The following GALNT1 variants were observed in gnomAD, a reference collection of about 807,000 sequenced individuals.
GALNT1 encodes polypeptide N-acetylgalactosaminyltransferase 1.
A neutral mutation model predicts 65.7 loss-of-function variants in GALNT1; 17 were observed. That is an observed-to-expected ratio of 0.26 (90% CI 0.18 to 0.39). GALNT1 has a LOEUF of 0.39. GALNT1 is among the 10% of genes least tolerant of loss of function. GALNT1 has a pLI of 1.00. For synonymous variants in GALNT1, 210 were observed against 219.7 expected, an observed-to-expected ratio of 0.96 and a Z score of 0.39; for missense variants, 460 against 672.8, an observed-to-expected ratio of 0.68 and a Z score of 3.50.
At chr18:35,633,893 A>G (rs1056543092) in intron 1 of GALNT1, among the ~76,000 whole-genome samples, 1 of 152,186 alleles carries the variant, frequency 6.6e-6, no homozygotes, top group African/African-American at 2.4e-5. Context: ...ATTGAAAGAT[A>G]CTTGTTATAT....
intron 9 of GALNT1, among the ~76,000 whole-genome samples, chr18:35,697,549 A>G (rs2048079831): frequency 1.3e-5 from 2 of 152,208 alleles, no homozygotes; most frequent in Non-Finnish European, 2.9e-5. Flanking sequence ...ATCTGATCAT[A>G]AAACACCTTT....
At chr18:35,709,251 G>T (rs1031259623) in intron 11 of GALNT1, among the ~76,000 whole-genome samples, 1 of 152,092 alleles carries the variant, frequency 6.6e-6, no homozygotes, top group African/African-American at 2.4e-5. Context: ...CACTAATCTG[G>T]TCTTTTTTTG....
intron 1 of GALNT1, among the ~76,000 whole-genome samples, chr18:35,649,946 C>T (rs2144358637): frequency 6.6e-6 from 1 of 152,280 alleles, no homozygotes; most frequent in South Asian, 2.1e-4. Flanking sequence ...TCTGTTGTGA[C>T]AGACAGTGCC....
intron 1 of GALNT1, among the ~76,000 whole-genome samples, chr18:35,612,988 TAAG>T (rs2144054105): frequency 6.6e-6 from 1 of 152,264 alleles, no homozygotes; most frequent in Non-Finnish European, 1.5e-5. Flanking sequence ...TATAGGGAAG[TAAG>T]AAATGTTTTA....
intron 1 of GALNT1, among the ~76,000 whole-genome samples, chr18:35,631,500 T>C (rs1032687756): frequency 6.6e-6 from 1 of 152,002 alleles, no homozygotes; most frequent in African/African-American, 2.4e-5. Flanking sequence ...TCGACAAAAT[T>C]CAACAGCCTT....
intron 1 of GALNT1, among the ~76,000 whole-genome samples, chr18:35,590,113 T>A (rs2046425693): frequency 6.6e-6 from 1 of 152,202 alleles, no homozygotes; most frequent in Admixed American, 6.5e-5. Context: ...TCCATGGATT[T>A]TTGTAGGGAC....
chr18:35,703,491 G>A lies in GALNT1; in HGVS notation c.1399-18G>A, dbSNP rs1340475679. 1 of 1,609,270 alleles carries A rather than the reference G, an allele frequency of 6.2e-7. No individual in the cohort carries two copies. The highest frequency in any genetic ancestry group is 1.3e-5 in the African/African-American group (1 of 74,824). On this transcript the variant is annotated intron_variant, in intron 10 of 11. Coordinates refer to ENST00000269195, the MANE Select transcript of GALNT1 (RefSeq NM_020474.4). The stretch of plus-strand genomic sequence containing the variant: ...TAATTTATTTTTTCTGTTTATGTGT[G>A]TGCATTTTTATTTCCAGGTTTTCTC...
chr18:35,610,568 T>C (rs1202124934), intron 1 of GALNT1, among the ~76,000 whole-genome samples: 1 of 152,206 alleles, frequency 6.6e-6, no homozygotes, highest in African/African-American at 2.4e-5. Context: ...TTTTTTATTA[T>C]GGATTTTGAA....
At chr18:35,675,157 C>T (rs1439309866) in intron 3 of GALNT1, among the ~76,000 whole-genome samples, 3 of 152,086 alleles carry the variant, frequency 2.0e-5, no homozygotes, top group African/African-American at 7.2e-5. Context: ...CCCCAAAACA[C>T]AAAAGGACAG....
chr18:35,621,184 ATT>A lies in GALNT1; in HGVS notation c.-103-33366_-103-33365del, dbSNP rs72246013. On this transcript the variant is annotated intron_variant, in intron 1 of 11. Coordinates refer to ENST00000269195, the MANE Select transcript of GALNT1 (RefSeq NM_020474.4). ...TGTGTTTTTGTTGTTTGTTTTATTT[ATT>A]TTTTTTTTTAGAGACAAGGTCTCGT... 5.3e-3 allele frequency among the ~76,000 whole-genome samples: 737 copies of A among 139,986 alleles called. 8 individuals are homozygous for A. The highest frequency in any genetic ancestry group is 0.018 in the African/African-American group (681 of 37,332). 91.8% of individuals were successfully genotyped at this position (139,986 alleles called of 152,430 possible). A position where few individuals can be genotyped will look rare whatever the true frequency, so the allele number is the denominator to read the frequency against.
At chr18:35,657,691 A>T (rs2047412519) in intron 2 of GALNT1, among the ~76,000 whole-genome samples, 1 of 152,114 alleles carries the variant, frequency 6.6e-6, no homozygotes, top group Non-Finnish European at 1.5e-5. Flanking sequence ...AGTGTTTCTG[A>T]TAGTTTGGTA....
intron 1 of GALNT1, among the ~76,000 whole-genome samples, chr18:35,598,995 T>G (rs1486590837): frequency 6.7e-6 from 1 of 148,776 alleles, no homozygotes; most frequent in Non-Finnish European, 1.5e-5. Flanking sequence ...CCAGGCGTTT[T>G]TTTTTTTTTT....
intron 1 of GALNT1, among the ~76,000 whole-genome samples, chr18:35,605,666 A>G (rs1281491039): frequency 6.6e-6 from 1 of 151,400 alleles, no homozygotes; most frequent in Non-Finnish European, 1.5e-5. Flanking sequence ...AAAATTTCTA[A>G]TATGTATAGA....
At chr18:35,690,099 T>C (rs2047934471) in intron 7 of GALNT1, among the ~76,000 whole-genome samples, 1 of 152,210 alleles carries the variant, frequency 6.6e-6, no homozygotes. Context: ...GTTATTTTAA[T>C]TATAAAGAGT....
intron 3 of GALNT1, among the ~76,000 whole-genome samples, chr18:35,677,065 C>T (rs984778869): frequency 2.6e-5 from 4 of 152,144 alleles, no homozygotes; most frequent in African/African-American, 7.2e-5. Context: ...TCTGTTGCCT[C>T]CTCGCTATCC....
intron 9 of GALNT1, among the ~76,000 whole-genome samples, chr18:35,699,169 C>T (rs1471618207): frequency 1.3e-5 from 2 of 152,116 alleles, no homozygotes; most frequent in Non-Finnish European, 2.9e-5. Flanking sequence ...CTCTAATTCT[C>T]TCTACTCTGA....
chr18:35,623,160 C>A (rs1363712657), intron 1 of GALNT1, among the ~76,000 whole-genome samples: 1 of 152,060 alleles, frequency 6.6e-6, no homozygotes, highest in Non-Finnish European at 1.5e-5. Flanking sequence ...TTCTTCATTC[C>A]TTCTGACAGA....
At chr18:35,645,228 T>G (rs1329911520) in intron 1 of GALNT1, among the ~76,000 whole-genome samples, 3 of 130,050 alleles carry the variant, frequency 2.3e-5, no homozygotes, top group South Asian at 5.6e-4. Context: ...GTTTTTTTTT[T>G]TTTTTTTTTT....
intron 1 of GALNT1, among the ~76,000 whole-genome samples, chr18:35,632,520 C>T (rs2047028300): frequency 6.6e-6 from 1 of 152,118 alleles, no homozygotes; most frequent in Non-Finnish European, 1.5e-5. Flanking sequence ...AAACTGGATC[C>T]CTTCCTTATA....
Sources: allele counts gnomAD v4.1 joint callset (sites outside exome capture counted in the v4.1 genomes callset), GRCh38; gene constraint gnomAD v4.1.1; transcripts MANE v1.5; gene names NCBI Gene and HGNC (gene_info 2026-07-23, HGNC 2026-07-21).